The following CFAP299 variants were observed in gnomAD, a reference collection of about 807,000 sequenced individuals.
CFAP299 encodes the protein cilia- and flagella-associated protein 299.
In CFAP299, 21 loss-of-function variants were observed where a neutral mutation model predicts 27.0. The observed-to-expected ratio is 0.78, with a 90% CI of 0.55 to 1.12. The LOEUF (loss-of-function observed/expected upper bound fraction) is 1.12, where lower values mean the gene tolerates loss of function less well. CFAP299 is among the 50% of genes most tolerant of loss of function. CFAP299 has a pLI of 0.00. For missense variants in CFAP299, 310 were observed against 276.6 expected (o/e 1.12, Z -0.86); for synonymous variants, 104 against 98.1 (o/e 1.06, Z -0.36).
intron 1 of CFAP299, 59 bp from the exon 2 acceptor site, chr4:80,362,695 G>C: frequency 6.6e-7 from 1 of 1,512,792 alleles, no homozygotes; most frequent in Non-Finnish European, 8.8e-7. Flanking sequence ...ATATAAGTAA[G>C]TAAGTAAAAA....
chr4:80,721,132 A>G (rs1234430879), intron 3 of CFAP299, among the ~76,000 whole-genome samples: 3 of 152,170 alleles, frequency 2.0e-5, no homozygotes, highest in African/African-American at 7.2e-5. Flanking sequence ...GCAACCTAAT[A>G]TACATATTAT....
At chr4:80,629,764 C>G (rs1288868059) in intron 3 of CFAP299, among the ~76,000 whole-genome samples, 1 of 151,508 alleles carries the variant, frequency 6.6e-6, no homozygotes, top group Non-Finnish European at 1.5e-5. Context: ...CCTGTAGTCC[C>G]AGCTACTTGG....
At chr4:80,899,173 A>G (rs1734759575) in intron 4 of CFAP299, among the ~76,000 whole-genome samples, 1 of 152,216 alleles carries the variant, frequency 6.6e-6, no homozygotes, top group African/African-American at 2.4e-5. Flanking sequence ...ATGAGATAAT[A>G]TATGTAGAAC....
At chr4:80,326,521 G>A in the CFAP299 span, among the ~76,000 whole-genome samples, 95,656 of 152,086 alleles carry the variant, frequency 0.63, 31,035 homozygotes, top group Non-Finnish European at 0.72. Flanking sequence ...TGCTGGGAGA[G>A]TGGTTGGGAG....
At chr4:80,417,522 C>T (rs1483248462) in intron 2 of CFAP299, among the ~76,000 whole-genome samples, 1 of 152,128 alleles carries the variant, frequency 6.6e-6, no homozygotes, top group Non-Finnish European at 1.5e-5. Context: ...GTATTGGTAG[C>T]TCTTTCCTTG....
At chr4:80,892,382 A>C (rs1055302688) in intron 4 of CFAP299, among the ~76,000 whole-genome samples, 3 of 152,214 alleles carry the variant, frequency 2.0e-5, no homozygotes, top group African/African-American at 7.2e-5. Context: ...CTTAAATCTA[A>C]GACCTCAAAC....
At chr4:80,794,784 C>A (rs778415231) in intron 3 of CFAP299, among the ~76,000 whole-genome samples, 1 of 152,116 alleles carries the variant, frequency 6.6e-6, no homozygotes, top group Non-Finnish European at 1.5e-5. Flanking sequence ...AGTGTATATT[C>A]CAGCGAGGAC....
At chr4:80,700,360 G>T (rs961228935) in intron 3 of CFAP299, among the ~76,000 whole-genome samples, 4 of 152,210 alleles carry the variant, frequency 2.6e-5, no homozygotes, top group South Asian at 4.1e-4. Context: ...GTAAGTTTTA[G>T]TTACTGCTGG....
chr4:80,596,117 G>T (rs1458322038), intron 3 of CFAP299, among the ~76,000 whole-genome samples: 1 of 152,034 alleles, frequency 6.6e-6, no homozygotes, highest in African/African-American at 2.4e-5. Flanking sequence ...GGAAGGGAAG[G>T]AGGAAAGCAG....
chr4:80,544,166 G>T (rs1484511296), intron 2 of CFAP299, among the ~76,000 whole-genome samples: 1 of 152,146 alleles, frequency 6.6e-6, no homozygotes, highest in Non-Finnish European at 1.5e-5. Context: ...AAGGGAATTT[G>T]TTACCACTAC....
chr4:80,901,090 GTA>G (rs1168880491), intron 4 of CFAP299, among the ~76,000 whole-genome samples: 3 of 152,120 alleles, frequency 2.0e-5, no homozygotes, highest in Admixed American at 6.6e-5. Context: ...GTAAACAATG[GTA>G]TACAGAGAGC....
chr4:80,723,695 A>G (rs1369914729), intron 3 of CFAP299, among the ~76,000 whole-genome samples: 3 of 152,100 alleles, frequency 2.0e-5, no homozygotes, highest in Non-Finnish European at 4.4e-5. Context: ...AATTTAAGCT[A>G]CACAATTTAA....
intron 3 of CFAP299, among the ~76,000 whole-genome samples, chr4:80,805,733 G>C (rs149647258): frequency 6.6e-6 from 1 of 151,926 alleles, no homozygotes; most frequent in South Asian, 2.1e-4. Context: ...AAATAACTGG[G>C]CTTGGTGGTA....
intron 3 of CFAP299, among the ~76,000 whole-genome samples, chr4:80,667,385 A>AT (rs1741194571): frequency 6.6e-6 from 1 of 152,114 alleles, no homozygotes; most frequent in African/African-American, 2.4e-5. Context: ...TATACAACAG[A>AT]TTATTATAAA....
intron 2 of CFAP299, among the ~76,000 whole-genome samples, chr4:80,487,211 G>A (rs2110133689): frequency 6.6e-6 from 1 of 152,234 alleles, no homozygotes; most frequent in South Asian, 2.1e-4. Flanking sequence ...CATTTCTAAT[G>A]AGAACTCCCC....
chr4:80,449,965 A>G (rs1291138362), intron 2 of CFAP299, among the ~76,000 whole-genome samples: 1 of 152,184 alleles, frequency 6.6e-6, no homozygotes, highest in Non-Finnish European at 1.5e-5. Context: ...AGCTCAAATT[A>G]CTTATTTTGT....
chr4:80,798,662 T>G (rs755250310), intron 3 of CFAP299, among the ~76,000 whole-genome samples: 11 of 152,094 alleles, frequency 7.2e-5, no homozygotes, highest in Admixed American at 2.6e-4. Flanking sequence ...GATTTGAGGC[T>G]CAGTATCTGC....
intron 2 of CFAP299, among the ~76,000 whole-genome samples, chr4:80,400,469 T>A (rs1297764296): frequency 6.6e-6 from 1 of 152,076 alleles, no homozygotes; most frequent in Non-Finnish European, 1.5e-5. Flanking sequence ...TGTTTTTCCT[T>A]GCTATTCTTG....
chr4:80,336,765 C>G (rs1430951970), intron 1 of CFAP299: 3 of 152,256 alleles, frequency 2.0e-5, no homozygotes, highest in Admixed American at 2.0e-4. Context: ...GTCGGCCGTG[C>G]TCTCCACAGG....
Sources: allele counts gnomAD v4.1 joint callset (sites outside exome capture counted in the v4.1 genomes callset), GRCh38; gene constraint gnomAD v4.1.1; transcripts MANE v1.5; gene names NCBI Gene and HGNC (gene_info 2026-07-23, HGNC 2026-07-21).